The following SHROOM3 variants were observed in gnomAD, a reference collection of about 807,000 sequenced individuals.
SHROOM3 encodes protein Shroom3.
SHROOM3 carries 47 observed loss-of-function variants against 138.6 expected under a neutral mutation model. The observed-to-expected ratio is 0.34, with a 90% CI of 0.27 to 0.43. The LOEUF is 0.43. Among genes scored for constraint, SHROOM3 ranks in the 20% least tolerant of loss-of-function variants. The pLI is 1.00. For synonymous variants in SHROOM3, 1,062 were observed against 1,063.3 expected, an observed-to-expected ratio of 1.00 and a Z score of 0.02; for missense variants, 2,491 against 2,596.5, an observed-to-expected ratio of 0.96 and a Z score of 0.88.
chr4:76,621,938 C>G (rs558272902), intron 2 of SHROOM3, among the ~76,000 whole-genome samples: 33 of 151,372 alleles, frequency 2.2e-4, no homozygotes, highest in Admixed American at 5.9e-4. Context: ...TCAAGCAATT[C>G]TCCTGCCTCA....
intron 1 of SHROOM3, among the ~76,000 whole-genome samples, chr4:76,538,747 A>G (rs970456986): frequency 2.6e-5 from 4 of 152,214 alleles, no homozygotes; most frequent in Admixed American, 6.5e-5. Context: ...TGGGGACACC[A>G]TTATCTACTC....
chr4:76,643,600 G>A (rs985234480), intron 2 of SHROOM3, among the ~76,000 whole-genome samples: 5 of 152,116 alleles, frequency 3.3e-5, no homozygotes, highest in African/African-American at 7.2e-5. Context: ...TCCTATCATC[G>A]TTAATTGCCT....
At chr4:76,760,730 A>G (rs753992457) in intron 9 of SHROOM3, among the ~76,000 whole-genome samples, 8 of 152,114 alleles carry the variant, frequency 5.3e-5, no homozygotes, top group Admixed American at 5.2e-4. Context: ...AAGTTTTCCT[A>G]TTTACATACT....
chr4:76,521,930 C>T (rs972282376), intron 1 of SHROOM3, among the ~76,000 whole-genome samples: 5 of 152,134 alleles, frequency 3.3e-5, no homozygotes, highest in African/African-American at 1.2e-4. Flanking sequence ...GATGCACTGG[C>T]AAGGACATGA....
At chr4:76,640,813 G>GA (rs906024503) in intron 2 of SHROOM3, among the ~76,000 whole-genome samples, 1 of 152,196 alleles carries the variant, frequency 6.6e-6, no homozygotes, top group African/African-American at 2.4e-5. Context: ...TGCTGCTGGT[G>GA]AATCTGCAGC....
intron 1 of SHROOM3, among the ~76,000 whole-genome samples, chr4:76,465,761 T>G (rs1731237154): frequency 6.6e-6 from 1 of 152,220 alleles, no homozygotes; most frequent in Admixed American, 6.5e-5. Context: ...GCAAAAAGCC[T>G]GACGCTCACT....
intron 1 of SHROOM3, among the ~76,000 whole-genome samples, chr4:76,501,168 A>T (rs1732084124): frequency 6.6e-6 from 1 of 152,118 alleles, no homozygotes; most frequent in Non-Finnish European, 1.5e-5. Flanking sequence ...TTATGAAGTT[A>T]TTTATAGATT....
intron 1 of SHROOM3, among the ~76,000 whole-genome samples, chr4:76,548,451 A>G (rs1217189924): frequency 6.6e-6 from 1 of 152,172 alleles, no homozygotes; most frequent in Admixed American, 6.6e-5. Flanking sequence ...AGCATGAGGA[A>G]AAGAGATGGG....
intron 1 of SHROOM3, among the ~76,000 whole-genome samples, chr4:76,440,118 C>G (rs1177644525): frequency 1.3e-5 from 2 of 152,200 alleles, no homozygotes; most frequent in Admixed American, 6.5e-5. Flanking sequence ...AGCCAAGTAA[C>G]AACAATAAAC....
At chr4:76,677,924 T>C (rs1024208049) in intron 2 of SHROOM3, among the ~76,000 whole-genome samples, 1 of 152,190 alleles carries the variant, frequency 6.6e-6, no homozygotes, top group Non-Finnish European at 1.5e-5. Flanking sequence ...TGCGTGAATC[T>C]GCTTGTGAAA....
chr4:76,652,580 C>T (rs1327943146), intron 2 of SHROOM3, among the ~76,000 whole-genome samples: 5 of 152,186 alleles, frequency 3.3e-5, no homozygotes, highest in Non-Finnish European at 7.3e-5. Flanking sequence ...ATATCACAGG[C>T]TCCTGCCTTA....
chr4:76,523,084 C>G (rs1268654378), intron 1 of SHROOM3, among the ~76,000 whole-genome samples: 1 of 152,144 alleles, frequency 6.6e-6, no homozygotes, highest in African/African-American at 2.4e-5. Flanking sequence ...CAGGGCCATG[C>G]TCCCTGCAAA....
At chr4:76,475,242 G>T (rs1731462767) in intron 1 of SHROOM3, among the ~76,000 whole-genome samples, 1 of 152,140 alleles carries the variant, frequency 6.6e-6, no homozygotes, top group South Asian at 2.1e-4. Context: ...ATGAGAAAAA[G>T]CGAGATTTTG....
chr4:76,640,768 T>C (rs573184641), intron 2 of SHROOM3, among the ~76,000 whole-genome samples: 2 of 152,328 alleles, frequency 1.3e-5, no homozygotes, highest in Admixed American at 1.3e-4. Flanking sequence ...TCACTGAAAC[T>C]GGGAGCCAGC....
intron 1 of SHROOM3, among the ~76,000 whole-genome samples, chr4:76,467,618 C>T (rs1018529369): frequency 6.6e-6 from 1 of 152,130 alleles, no homozygotes; most frequent in Non-Finnish European, 1.5e-5. Flanking sequence ...ATGTATTTTG[C>T]CAGTCCTAAC....
intron 2 of SHROOM3, among the ~76,000 whole-genome samples, chr4:76,570,277 G>A (rs944881702): frequency 7.2e-5 from 11 of 152,152 alleles, no homozygotes; most frequent in Admixed American, 2.0e-4. Flanking sequence ...AGGTCACTAA[G>A]CAGGAATGGC....
intron 2 of SHROOM3, among the ~76,000 whole-genome samples, chr4:76,697,256 A>T (rs1033463940): frequency 2.0e-5 from 3 of 151,782 alleles, no homozygotes; most frequent in Admixed American, 1.3e-4. Context: ...CTATTTCCTG[A>T]CATACTATTT....
intron 2 of SHROOM3, among the ~76,000 whole-genome samples, chr4:76,665,702 T>A (rs1007906409): frequency 6.6e-6 from 1 of 152,242 alleles, no homozygotes; most frequent in Non-Finnish European, 1.5e-5. Context: ...CCTGTTCTGG[T>A]ATTTTCCATG....
intron 1 of SHROOM3, among the ~76,000 whole-genome samples, chr4:76,506,663 G>A (rs765144895): frequency 3.4e-4 from 52 of 152,104 alleles, no homozygotes; most frequent in Non-Finnish European, 1.5e-4. Context: ...AAAACAGAGT[G>A]GCTACAGATA....
Sources: gnomAD v4.1 joint callset for allele counts (sites outside exome capture counted in the v4.1 genomes callset) on GRCh38, gnomAD v4.1.1 for gene constraint, MANE v1.5 for transcripts, NCBI Gene and HGNC (gene_info 2026-07-23, HGNC 2026-07-21) for gene names.